Variants in ZNF407 observed in about 807,000 individuals in gnomAD.
ZNF407 encodes the protein zinc finger protein 407.
ZNF407 carries 17 observed loss-of-function variants against 131.2 expected under a neutral mutation model. The observed-to-expected ratio is 0.13, with a 90% CI of 0.09 to 0.19. The LOEUF is 0.19. Among genes scored for constraint, ZNF407 ranks in the 10% least tolerant of loss-of-function variants. The pLI, the probability that ZNF407 is intolerant of heterozygous loss-of-function variation, is 1.00. For synonymous variants in ZNF407, 1,156 were observed against 1,062.0 expected (o/e 1.09, Z -1.72); for missense variants, 2,681 against 2,830.6 (o/e 0.95, Z 1.20).
intron 3 of ZNF407, among the ~76,000 whole-genome samples, chr18:74,768,776 A>T (rs1969298596): frequency 6.6e-6 from 1 of 152,224 alleles, no homozygotes; most frequent in African/African-American, 2.4e-5. Flanking sequence ...TATCTTCAAT[A>T]ATCCGCATTA....
chr18:74,721,341 G>A (rs1187610490), intron 3 of ZNF407, among the ~76,000 whole-genome samples: 1 of 152,020 alleles, frequency 6.6e-6, no homozygotes, highest in Non-Finnish European at 1.5e-5. Context: ...ACAAGACAAC[G>A]ATGCCCACTC....
intron 3 of ZNF407, among the ~76,000 whole-genome samples, chr18:74,690,983 T>A (rs971049707): frequency 6.6e-6 from 1 of 152,190 alleles, no homozygotes; most frequent in East Asian, 1.9e-4. Context: ...AACTTTTTAA[T>A]TGAAATTAGG....
chr18:75,042,357 C>G (rs1357286156), intron 8 of ZNF407, among the ~76,000 whole-genome samples: 1 of 151,998 alleles, frequency 6.6e-6, no homozygotes, highest in Non-Finnish European at 1.5e-5. Flanking sequence ...ATAAATATGA[C>G]ACTGGACAGA....
chr18:74,788,006 C>T (rs1969753093), intron 4 of ZNF407, among the ~76,000 whole-genome samples: 2 of 152,166 alleles, frequency 1.3e-5, no homozygotes, highest in South Asian at 4.1e-4. Context: ...ACTTCGTTAG[C>T]CTTTGATACT....
chr18:74,960,453 G>A (rs537953010), intron 8 of ZNF407, among the ~76,000 whole-genome samples: 1 of 147,752 alleles, frequency 6.8e-6, no homozygotes, highest in Non-Finnish European at 1.5e-5. Flanking sequence ...TTGGTGGAGG[G>A]ATAGGAGAAG....
At chr18:74,939,415 C>G (rs1440623021) in intron 8 of ZNF407, among the ~76,000 whole-genome samples, 1 of 152,016 alleles carries the variant, frequency 6.6e-6, no homozygotes, top group Non-Finnish European at 1.5e-5. Flanking sequence ...AATTTGAGAT[C>G]AGAAGTGAAA....
At chr18:74,953,042 C>T (rs1288386132) in intron 8 of ZNF407, among the ~76,000 whole-genome samples, 2 of 152,138 alleles carry the variant, frequency 1.3e-5, no homozygotes, top group Admixed American at 6.5e-5. Flanking sequence ...CTGACTCTGA[C>T]GGAAAGCCAT....
intron 8 of ZNF407, among the ~76,000 whole-genome samples, chr18:75,023,872 C>A (rs1973140628): frequency 1.3e-5 from 2 of 152,278 alleles, no homozygotes; most frequent in Non-Finnish European, 1.5e-5. Context: ...TGAAATAGTT[C>A]AGTTATTTAC....
At chr18:74,942,037 T>C (rs1290295716) in intron 8 of ZNF407, among the ~76,000 whole-genome samples, 1 of 152,208 alleles carries the variant, frequency 6.6e-6, no homozygotes, top group African/African-American at 2.4e-5. Flanking sequence ...CGCTGTGGTG[T>C]GGATCTGATG....
chr18:74,630,451 G>A (rs180734058), intron 1 of ZNF407, among the ~76,000 whole-genome samples: 4 of 152,298 alleles, frequency 2.6e-5, no homozygotes, highest in East Asian at 1.9e-4. Context: ...CACTACAGGT[G>A]TGAGCCACCA....
intron 3 of ZNF407, among the ~76,000 whole-genome samples, chr18:74,657,036 T>G (rs1985489726): frequency 6.6e-6 from 1 of 152,040 alleles, no homozygotes; most frequent in African/African-American, 2.4e-5. Context: ...TGTAGGTGTG[T>G]TTTTATTTTA....
chr18:74,780,733 A>G (rs9947276), intron 3 of ZNF407, among the ~76,000 whole-genome samples: 2 of 151,956 alleles, frequency 1.3e-5, no homozygotes, highest in African/African-American at 4.8e-5. Context: ...CATGACGTAA[A>G]TAAATTGATA....
intron 4 of ZNF407, among the ~76,000 whole-genome samples, chr18:74,789,043 A>G (rs1969775373): frequency 6.6e-6 from 1 of 152,148 alleles, no homozygotes; most frequent in South Asian, 2.1e-4. Flanking sequence ...GGTGATCTAT[A>G]GTGTTTGAAG....
chr18:74,981,290 G>C (rs1599276885), intron 8 of ZNF407, among the ~76,000 whole-genome samples: 1 of 152,362 alleles, frequency 6.6e-6, no homozygotes, highest in South Asian at 2.1e-4. Flanking sequence ...GGTGTCCGCA[G>C]TGCCCTGGGC....
rs879117589 is a variant in ZNF407, at chr18:74,633,344, T to G, written c.2325T>G (p.Ile775Met). The G allele has an allele frequency of 6.2e-7, 1 of 1,613,638 alleles. No individual in the cohort carries two copies. Among genetic ancestry groups the G allele is most frequent in the South Asian group, 1.1e-5 (1 of 91,016 alleles). Reference protein sequence around the residue: ...NNIGLSFEECIERVCIGANDK... With the variant: ...NNIGLSFEECMERVCIGANDK... ...TTGGCTTAAGCTTTGAAGAATGTAT[T>G]GAAAGGGTATGTATAGGTGCAAATG... Residue 775 changes from isoleucine to methionine, a missense_variant, in exon 2 of 9, where the codon ATT becomes ATG. Ile to Met is a conservative substitution (Grantham distance 10). Around this residue, in one of 6 missense-constraint regions of ZNF407, gnomAD observed 1,789 missense variants for 1,748.7 expected, o/e 1.02. Transcript: ENST00000299687.
chr18:74,652,725 CA>C (rs1985283670), intron 3 of ZNF407, among the ~76,000 whole-genome samples: 1 of 149,672 alleles, frequency 6.7e-6, no homozygotes, highest in Non-Finnish European at 1.5e-5. Context: ...TCTGAAAAAT[CA>C]AAACAAAGAA....
chr18:74,726,591 C>T (rs1199001947), intron 3 of ZNF407, among the ~76,000 whole-genome samples: 2 of 152,092 alleles, frequency 1.3e-5, no homozygotes, highest in African/African-American at 4.8e-5. Context: ...ATTAACATGC[C>T]TTGTTTTGCT....
intron 8 of ZNF407, among the ~76,000 whole-genome samples, chr18:74,948,771 A>G (rs915037151): frequency 1.3e-5 from 2 of 152,230 alleles, no homozygotes; most frequent in Non-Finnish European, 2.9e-5. Context: ...TGCTATGTAA[A>G]AATACAGATA....
chr18:74,985,543 G>T (rs1482552623), intron 8 of ZNF407, among the ~76,000 whole-genome samples: 1 of 152,146 alleles, frequency 6.6e-6, no homozygotes, highest in African/African-American at 2.4e-5. Flanking sequence ...ACAAAAATAA[G>T]GAGGAAAGCC....
Sources: gnomAD v4.1 joint callset for allele counts (sites outside exome capture counted in the v4.1 genomes callset) on GRCh38, gnomAD v4.1.1 for gene constraint, gnomAD v4.1.1 regional missense constraint, MANE v1.5 for transcripts, NCBI Gene and HGNC (gene_info 2026-07-23, HGNC 2026-07-21) for gene names.